The following MARCHF8 variants were observed in gnomAD, a reference collection of about 807,000 sequenced individuals.
MARCHF8 encodes membrane associated ring-CH-type finger 8, also known as E3 ubiquitin-protein ligase MARCHF8.
In MARCHF8, 40 loss-of-function variants were observed where a neutral mutation model predicts 51.6. That is an observed-to-expected ratio of 0.77 (90% CI 0.60 to 1.01). The LOEUF is 1.01. MARCHF8 is among the 50% of genes least tolerant of loss of function. The pLI is 0.00. For missense variants in MARCHF8, 685 were observed against 708.6 expected, an observed-to-expected ratio of 0.97 and a Z score of 0.38; for synonymous variants, 263 against 280.3, an observed-to-expected ratio of 0.94 and a Z score of 0.62.
At chr10:45,586,892 C>G (rs1414229202) in intron 1 of MARCHF8, among the ~76,000 whole-genome samples, 1 of 152,038 alleles carries the variant, frequency 6.6e-6, no homozygotes, top group Non-Finnish European at 1.5e-5. Context: ...AACATTTGCT[C>G]CCAGTCTATA....
chr10:45,529,177 T>A (rs1052387040), intron 2 of MARCHF8, among the ~76,000 whole-genome samples: 27 of 152,216 alleles, frequency 1.8e-4, no homozygotes, highest in African/African-American at 6.5e-4. Flanking sequence ...CAAATGATCT[T>A]CTTCAAAGTC....
chr10:45,506,877 T>C (rs1331340668), intron 2 of MARCHF8, among the ~76,000 whole-genome samples: 6 of 152,226 alleles, frequency 3.9e-5, no homozygotes, highest in Admixed American at 1.3e-4. Flanking sequence ...GATGTATACA[T>C]GCAGGCTTGG....
upstream of MARCHF8, among the ~76,000 whole-genome samples, chr10:45,539,249 A>G (rs2044017716): frequency 6.6e-6 from 1 of 152,228 alleles, no homozygotes; most frequent in Non-Finnish European, 1.5e-5. Context: ...AGGCAGAAAT[A>G]AAGATGTTCT....
chr10:45,526,031 T>C (rs1408313615), intron 2 of MARCHF8, among the ~76,000 whole-genome samples: 1 of 151,912 alleles, frequency 6.6e-6, no homozygotes, highest in Non-Finnish European at 1.5e-5. Flanking sequence ...ACTTTAAAAC[T>C]ATAATGTATT....
chr10:45,564,654 G>T lies in MARCHF8; in HGVS notation c.-79+29581C>A, dbSNP rs545074255. Among the ~76,000 whole-genome samples the T allele has an allele frequency of 2.6e-5, 4 of 152,132 alleles. No individual in the cohort carries two copies. In the South Asian group the frequency reaches 8.3e-4, roughly 32 times the overall value. The stretch of plus-strand genomic sequence containing the variant: ...CAAAAGACTCAGAGAACACTAAGTA[G>T]GATTAATACAAATAGAAATACAACT... On this transcript the variant is annotated intron_variant, in intron 1 of 6. Coordinates refer to the MARCHF8 transcript ENST00000319836.
At chr10:45,585,803 A>G (rs1589196732) in intron 1 of MARCHF8, among the ~76,000 whole-genome samples, 1 of 152,280 alleles carries the variant, frequency 6.6e-6, no homozygotes, top group Non-Finnish European at 1.5e-5. Context: ...AACAAAAAAA[A>G]CTTCTTTTCT....
chr10:45,542,723 A>G (rs1186273933), intron 1 of MARCHF8, among the ~76,000 whole-genome samples: 1 of 152,112 alleles, frequency 6.6e-6, no homozygotes, highest in Non-Finnish European at 1.5e-5. Context: ...TTTATTTTTT[A>G]GATTTTGAAG....
intron 2 of MARCHF8, among the ~76,000 whole-genome samples, chr10:45,510,147 T>C (rs1199332975): frequency 6.6e-6 from 1 of 152,082 alleles, no homozygotes; most frequent in Non-Finnish European, 1.5e-5. Flanking sequence ...TTTCAGCTTG[T>C]GCACAGAGAG....
At chr10:45,483,762 C>A (rs2042930601) in intron 3 of MARCHF8, among the ~76,000 whole-genome samples, 2 of 145,164 alleles carry the variant, frequency 1.4e-5, no homozygotes, top group Non-Finnish European at 3.0e-5. Flanking sequence ...ATGTCATCTG[C>A]AGCAACATGG....
At chr10:45,500,811 C>CG (rs1348460862) in intron 2 of MARCHF8, among the ~76,000 whole-genome samples, 5 of 151,878 alleles carry the variant, frequency 3.3e-5, no homozygotes, top group Admixed American at 6.6e-5. Context: ...TCGAAGGAGT[C>CG]CAGCAAAGTC....
At chr10:45,565,862 T>C (rs1487958752) in intron 1 of MARCHF8, among the ~76,000 whole-genome samples, 1 of 152,178 alleles carries the variant, frequency 6.6e-6, no homozygotes, top group Middle Eastern at 3.2e-3. Flanking sequence ...CATAATCTTG[T>C]TTTATATGTG....
Position 45,587,531 on chromosome 10 carries a change from T to C in MARCHF8, c.-79+6704A>G, listed in dbSNP as rs553442777. On this transcript the variant is annotated intron_variant, in intron 1 of 6. Coordinates refer to the MARCHF8 transcript ENST00000319836. ...AAACTGATCTATAGAACCAAGACAATCCCAATTGAAACCACAAGTTGTTTT... is the reference window on the plus strand; with the variant it reads ...AAACTGATCTATAGAACCAAGACAACCCCAATTGAAACCACAAGTTGTTTT... Among the ~76,000 whole-genome samples, 12 of 152,084 alleles carry C rather than the reference T, an allele frequency of 7.9e-5. No individual in the cohort carries two copies. The South Asian group carries it at 1.5e-3, about 18-fold the overall frequency.
intron 2 of MARCHF8, among the ~76,000 whole-genome samples, chr10:45,498,547 C>T (rs1352206426): frequency 1.3e-5 from 2 of 151,932 alleles, no homozygotes; most frequent in African/African-American, 2.4e-5. Flanking sequence ...ATGATCTCGG[C>T]TCACTGCAAC....
At chr10:45,521,419 T>C (rs2043703986) in intron 2 of MARCHF8, among the ~76,000 whole-genome samples, 1 of 152,230 alleles carries the variant, frequency 6.6e-6, no homozygotes, top group Non-Finnish European at 1.5e-5. Context: ...GGGCCTTTCC[T>C]TCTTCAGAGT....
chr10:45,516,341 G>C (rs1318991289), intron 2 of MARCHF8, among the ~76,000 whole-genome samples: 1 of 152,170 alleles, frequency 6.6e-6, no homozygotes, highest in Non-Finnish European at 1.5e-5. Flanking sequence ...TGTAGAGACA[G>C]GGTCTTACTA....
chr10:45,560,396 A>G lies in MARCHF8; in HGVS notation c.-78-27107T>C, dbSNP rs187493328. ...AGGGGATGTAAAAAAACTGATCTAG[A>G]TAAGTTAGTTTACTTAGGCCTCCGA... On this transcript the variant is annotated intron_variant, in intron 1 of 6. Transcript: ENST00000319836. Among the ~76,000 whole-genome samples, 164 of 152,314 alleles carry G rather than the reference A, an allele frequency of 1.1e-3. 2 individuals carry two copies. In the Middle Eastern group the frequency reaches 0.017, roughly 16 times the overall value.
At chr10:45,549,307 A>G (rs2044167171) in intron 1 of MARCHF8, among the ~76,000 whole-genome samples, 1 of 152,196 alleles carries the variant, frequency 6.6e-6, no homozygotes. Context: ...AACTACCCAA[A>G]ACTTTGTTGC....
chr10:45,464,385 T>G, intron 3 of MARCHF8, 58 bp from the exon 4 acceptor site: 4 of 1,407,064 alleles, frequency 2.8e-6, no homozygotes, highest in South Asian at 1.1e-5. Flanking sequence ...TTGTGTGCAC[T>G]GTCTCCTGAA....
rs2042939096 is a variant in MARCHF8, at chr10:45,484,129, TTACA to T, written c.153+5234_153+5237del. Among the ~76,000 whole-genome samples, 3 of 152,166 alleles carry T rather than the reference TTACA, an allele frequency of 2.0e-5. No homozygotes were observed. The South Asian group carries it at 6.2e-4, about 32-fold the overall frequency. On this transcript the variant is annotated intron_variant, in intron 3 of 7. Coordinates refer to ENST00000453424, the MANE Select transcript of MARCHF8 (RefSeq NM_001282866.2). Reference sequence around the variant, plus strand: ...CACCCCAAATACCCTGACTTGATCATTACATAGTCTATGCATGTAACAAAATATC... The same window carrying T: ...CACCCCAAATACCCTGACTTGATCATTAGTCTATGCATGTAACAAAATATC...
Sources: gnomAD v4.1 joint callset for allele counts (sites outside exome capture counted in the v4.1 genomes callset) on GRCh38, gnomAD v4.1.1 for gene constraint, MANE v1.5 for transcripts, NCBI Gene and HGNC (gene_info 2026-07-23, HGNC 2026-07-21) for gene names.